Variants in ELFN2 observed in about 807,000 individuals in gnomAD.
ELFN2 encodes protein phosphatase 1 regulatory subunit 29.
Under a neutral mutation model 45.5 loss-of-function variants are expected in ELFN2, and 17 were observed. That is an observed-to-expected ratio of 0.37 (90% CI 0.26 to 0.56). ELFN2 has a LOEUF of 0.56. ELFN2 is among the 20% of genes least tolerant of loss of function. The probability of loss-of-function intolerance (pLI) is 0.77; values close to 1 mark genes in which losing one functional copy is unlikely to be tolerated. For synonymous variants in ELFN2, 550 were observed against 551.5 expected (o/e 1.00, Z 0.04); for missense variants, 922 against 1,183.2 (o/e 0.78, Z 3.24).
chr22:37,345,676 TAGCTGGGACTAGAGGTGCGTGCC>T (rs1431988123), intron 1 of ELFN2, among the ~76,000 whole-genome samples: 9 of 151,596 alleles, frequency 5.9e-5, no homozygotes, highest in African/African-American at 2.2e-4. Flanking sequence ...GCCTCCGGAG[TAGCTGGGACTAGAGGTGCGTGCC>T]ACCACGCCCA....
intron 2 of ELFN2, among the ~76,000 whole-genome samples, chr22:37,382,169 C>T (rs1157678905): frequency 5.3e-5 from 8 of 152,120 alleles, no homozygotes; most frequent in Admixed American, 5.2e-4. Flanking sequence ...AGCCAAGAAC[C>T]CAGGCCAGCC....
At chr22:37,415,694 G>A (rs1932752987) in intron 2 of ELFN2, among the ~76,000 whole-genome samples, 2 of 152,228 alleles carry the variant, frequency 1.3e-5, no homozygotes, top group Non-Finnish European at 2.9e-5. Flanking sequence ...CAGGCGCGGT[G>A]GCTCACGCCT....
intron 2 of ELFN2, among the ~76,000 whole-genome samples, chr22:37,389,354 C>T (rs182662625): frequency 1.3e-5 from 2 of 152,232 alleles, no homozygotes; most frequent in Admixed American, 6.5e-5. Context: ...CATGTCCCCT[C>T]GCAACCCTAT....
In ELFN2 at chr22:37,373,516, C is replaced by T. The variant is rs771505156; in HGVS notation, c.2019G>A (p.Pro673=). The T allele has an allele frequency of 9.6e-6, 15 of 1,562,776 alleles. No individual in the cohort carries two copies. Among genetic ancestry groups the T allele is most frequent in the Middle Eastern group, 1.7e-4 (1 of 5,906 alleles). Residue 673 remains proline, a synonymous_variant, in exon 3 of 3, where the codon CCG becomes CCA. Transcript: ENST00000402918. ...YIEKGSPLNS[P]LDRLPLVPAG... Reference sequence around the variant, plus strand: ...CCGGCACCAGCGGGAGCCGGTCCAGCGGGCTGTTGAGGGGGCTGCCCTTCT... The same window carrying T: ...CCGGCACCAGCGGGAGCCGGTCCAGTGGGCTGTTGAGGGGGCTGCCCTTCT...
rs1932772008 is a variant in ELFN2 at position 37,417,457 on chromosome 22, T to C, written c.-463+312A>G. Among the ~76,000 whole-genome samples the C allele has an allele frequency of 6.6e-6, 1 of 152,220 alleles. No individual in the cohort carries two copies. The highest frequency in any genetic ancestry group is 1.9e-4 in the East Asian group (1 of 5,188). ...GACCTGCTGGAGTGCAGACTAAGCC[T>C]GCCTCAGCCTCTCTGCCGGGTGATG... On this transcript the variant is annotated intron_variant, in intron 2 of 2. Coordinates refer to ENST00000402918, the MANE Select transcript of ELFN2 (RefSeq NM_052906.5). This position sits in a 1 kb window ranked among gnomAD's most constrained non-coding sequence, Gnocchi z 4.5.
intron 2 of ELFN2, among the ~76,000 whole-genome samples, chr22:37,403,418 C>T (rs1378013718): frequency 6.6e-6 from 1 of 150,678 alleles, no homozygotes; most frequent in Non-Finnish European, 1.5e-5. Context: ...AGCGAGGGGC[C>T]GGAGGGTGGG....
At chr22:37,366,409 C>T (rs1036083141), downstream of ELFN2, among the ~76,000 whole-genome samples, 6 of 152,332 alleles carry the variant, frequency 3.9e-5, no homozygotes, top group South Asian at 4.1e-4. Flanking sequence ...AGCCCAAGGC[C>T]GGCAGAGGCA....
chr22:37,352,026 G>A (rs940825624), intron 1 of ELFN2, among the ~76,000 whole-genome samples: 4 of 150,634 alleles, frequency 2.7e-5, no homozygotes, highest in South Asian at 4.2e-4. Flanking sequence ...GGTAACCTAC[G>A]TCCTGGCCAC....
chr22:37,349,548 C>T (rs1458368985), intron 1 of ELFN2, among the ~76,000 whole-genome samples: 1 of 151,142 alleles, frequency 6.6e-6, no homozygotes, highest in Admixed American at 6.6e-5. Flanking sequence ...AGCCCCAGCA[C>T]GGGGACCCCC....
chr22:37,389,152 A>T (rs1045835067), intron 2 of ELFN2, among the ~76,000 whole-genome samples: 2 of 152,140 alleles, frequency 1.3e-5, no homozygotes, highest in Admixed American at 1.3e-4. Flanking sequence ...ACATGGCTGC[A>T]AGGTTCTATG....
chr22:37,374,205 C>G lies in ELFN2; in HGVS notation c.1330G>C (p.Gly444Arg), dbSNP rs142330872. Reference sequence around the variant, plus strand: ...ATGGAGCCGGCATCCACATCAGCCCCGTAGCGCATCTCCAGGATGGTCTTC... The same window carrying G: ...ATGGAGCCGGCATCCACATCAGCCCGGTAGCGCATCTCCAGGATGGTCTTC... ...VKKTILEMRYGADVDAGSIVH... is the reference protein window; with the variant it reads ...VKKTILEMRYRADVDAGSIVH... The change falls in exon 3 of 3, where the codon GGG (glycine) becomes CGG (arginine). Residue 444 changes from glycine to arginine, a missense_variant. Physicochemically the swap from Gly to Arg is moderately radical, Grantham distance 125. Coordinates refer to ENST00000402918, the MANE Select transcript of ELFN2 (RefSeq NM_052906.5). 3.7e-6 allele frequency: 6 copies of G among 1,613,704 alleles called. No individual in the cohort carries two copies. The highest frequency in any genetic ancestry group is 1.3e-5 in the African/African-American group (1 of 74,940).
intron 2 of ELFN2, among the ~76,000 whole-genome samples, chr22:37,401,162 G>T (rs1041781388): frequency 6.6e-6 from 1 of 152,232 alleles, no homozygotes; most frequent in African/African-American, 2.4e-5. Context: ...GGGTCACCTA[G>T]CTCTCAGGCC....
In ELFN2 at chr22:37,375,083, G is replaced by T; in HGVS notation, c.452C>A (p.Pro151Gln). The T allele has an allele frequency of 1.9e-6, 3 of 1,613,542 alleles. No homozygotes were observed. The highest frequency in any genetic ancestry group is 2.5e-6 in the Non-Finnish European group (3 of 1,180,004). Residue 151 changes from proline (P) to glutamine (Q), a missense_variant, in exon 3 of 3, where the codon CCG becomes CAG. By Grantham distance (76) the Pro-to-Gln change is moderately conservative. Coordinates refer to ENST00000402918, the MANE Select transcript of ELFN2 (RefSeq NM_052906.5). ...GGACAGGTCGATGCTGATGAGGCTCGGGCACTCGGAGAAGGCGGTGGGCGT... is the reference window on the plus strand; with the variant it reads ...GGACAGGTCGATGCTGATGAGGCTCTGGCACTCGGAGAAGGCGGTGGGCGT... ...VVTPTAFSECPSLISIDLSSN... is the reference protein window; with the variant it reads ...VVTPTAFSECQSLISIDLSSN...
intron 2 of ELFN2, among the ~76,000 whole-genome samples, chr22:37,413,384 C>T (rs1042716823): frequency 2.7e-5 from 4 of 148,866 alleles, no homozygotes; most frequent in African/African-American, 2.6e-5. Flanking sequence ...CTGGGCAACA[C>T]GGTGAGATCC....
chr22:37,394,970 G>A (rs971712832), intron 2 of ELFN2, among the ~76,000 whole-genome samples: 3 of 151,976 alleles, frequency 2.0e-5, no homozygotes, highest in Non-Finnish European at 2.9e-5. Flanking sequence ...GGGAAAGGGG[G>A]CACACGCCTG....
At position 37,426,493 on chromosome 22, in the gene ELFN2, C is replaced by T. The variant is rs547039066; in HGVS notation, c.-614+805G>A. On this transcript the variant is annotated intron_variant, in intron 1 of 2. Coordinates refer to ENST00000402918, the MANE Select transcript of ELFN2 (RefSeq NM_052906.5). ...GGTCCACCCCATGTCCACACACACACGCACACACCACACACACACAGCACG... is the reference window on the plus strand; with the variant it reads ...GGTCCACCCCATGTCCACACACACATGCACACACCACACACACACAGCACG... 8.3e-4 allele frequency among the ~76,000 whole-genome samples: 127 copies of T among 152,158 alleles called. 1 individual carries two copies. The highest frequency in any genetic ancestry group is 3.4e-3 in the Middle Eastern group (1 of 294).
chr22:37,345,003 C>T (rs1930661676), intron 1 of ELFN2, among the ~76,000 whole-genome samples: 9 of 152,186 alleles, frequency 5.9e-5, no homozygotes, highest in Admixed American at 5.9e-4. Flanking sequence ...GCCCAGGCAC[C>T]TGCCCCTGAG....
At chr22:37,378,501 G>A (rs911617576) in intron 2 of ELFN2, among the ~76,000 whole-genome samples, 3 of 152,232 alleles carry the variant, frequency 2.0e-5, no homozygotes, top group Non-Finnish European at 2.9e-5. Flanking sequence ...AGAGGCCCAT[G>A]TGGGAGGGGA....
intron 1 of ELFN2, among the ~76,000 whole-genome samples, chr22:37,346,801 G>A (rs1740073011): frequency 6.6e-6 from 1 of 151,950 alleles, no homozygotes; most frequent in Non-Finnish European, 1.5e-5. Flanking sequence ...CATGCACGCA[G>A]ACTGTACACA....
Sources: gnomAD v4.1 joint callset for allele counts (sites outside exome capture counted in the v4.1 genomes callset) on GRCh38, gnomAD v4.1.1 for gene constraint, Gnocchi (gnomAD v3.1) non-coding constraint, MANE v1.5 for transcripts, NCBI Gene and HGNC (gene_info 2026-07-23, HGNC 2026-07-21) for gene names.